The following IDI1 variants were observed in gnomAD, a reference collection of about 807,000 sequenced individuals.
The protein encoded by IDI1 is isopentenyl-diphosphate delta isomerase 1.
IDI1 carries 23 observed loss-of-function variants against 32.9 expected under a neutral mutation model. That is an observed-to-expected ratio of 0.70 (90% CI 0.50 to 0.99). The LOEUF (loss-of-function observed/expected upper bound fraction) is 0.99. Ranked by LOEUF, IDI1 falls within the 50% of genes least tolerant of loss-of-function variation. IDI1 has a pLI of 0.00. For missense variants in IDI1, 326 were observed against 351.9 expected (o/e 0.93, Z 0.59); for synonymous variants, 133 against 128.2 (o/e 1.04, Z -0.25).
intron 1 of IDI1, among the ~76,000 whole-genome samples, chr10:1,048,043 G>T (rs1211325550): frequency 6.6e-6 from 1 of 152,070 alleles, no homozygotes; most frequent in Non-Finnish European, 1.5e-5. Flanking sequence ...GATGGGGCTG[G>T]GTCTTGCTAT....
chr10:1,043,686 C>A (rs546814106), intron 2 of IDI1: 61 of 639,462 alleles, frequency 9.5e-5, no homozygotes, highest in South Asian at 8.9e-4. Flanking sequence ...TGCTTCCCTG[C>A]ATGGTGCCCG....
chr10:1,041,690 A>C (rs1832593651), intron 4 of IDI1, among the ~76,000 whole-genome samples, 186 bp from the exon 5 acceptor site: 1 of 151,642 alleles, frequency 6.6e-6, no homozygotes, highest in Non-Finnish European at 1.5e-5. Context: ...TGGAAAAATG[A>C]TTACATCATT....
intron 1 of IDI1, among the ~76,000 whole-genome samples, chr10:1,046,167 T>C (rs1345860587): frequency 6.6e-6 from 1 of 152,218 alleles, no homozygotes. Flanking sequence ...AATGGCATAA[T>C]ATTTGCAGAT....
At chr10:1,054,179 T>G in the IDI1 span, among the ~76,000 whole-genome samples, 1 of 152,320 alleles carries the variant, frequency 6.6e-6, no homozygotes, top group East Asian at 1.9e-4. Flanking sequence ...GTTAGAAAGA[T>G]GGTGCTGACA....
upstream of IDI1, among the ~76,000 whole-genome samples, chr10:1,050,636 T>G (rs1484709296): frequency 1.3e-5 from 2 of 152,240 alleles, no homozygotes; most frequent in Non-Finnish European, 2.9e-5. Flanking sequence ...TGAAGCCTGT[T>G]TCAGTAGCTC....
At position 1,044,158 on chromosome 10, in the gene IDI1, T is replaced by C. The variant is rs746839222; in HGVS notation, c.154A>G (p.Ile52Val). ...GRRLISVLEQ[I>V]RHFVMMPEIN... ...TCAGGCATCATTACAAAATGTCTGA[T>C]CTGTTCTAGAACACTAATATTAAAG... The change falls in exon 2 of 5, where the codon ATC (isoleucine) becomes GTC (valine). Residue 52 changes from isoleucine to valine, a missense_variant. Coordinates refer to ENST00000381344, the MANE Select transcript of IDI1 (RefSeq NM_004508.4). The C allele has an allele frequency of 6.2e-7, 1 of 1,613,192 alleles. No individual in the cohort carries two copies. Among genetic ancestry groups the C allele is most frequent in the South Asian group, 1.1e-5 (1 of 91,044 alleles).
At chr10:1,055,098 T>G in the IDI1 span, among the ~76,000 whole-genome samples, 3 of 152,358 alleles carry the variant, frequency 2.0e-5, no homozygotes, top group East Asian at 5.8e-4. Context: ...GTTTGCAGTA[T>G]TTTGTTCCTG....
rs1466221257 is a variant in IDI1, at chr10:1,042,696, G to T, written c.473C>A (p.Ala158Asp). ...SNPAELEESD[A>D]LGVRRAAQRR... ...CTGTGCTGCTCGCCTCACTCCAAGG[G>T]CGTCACTTTCCTCAAGCTCGGCTGG... The change falls in exon 4 of 5, where the codon GCC (alanine) becomes GAC (aspartate). Residue 158 changes from alanine (A) to aspartate (D), a missense_variant. Physicochemically the swap from Ala to Asp is moderately radical, Grantham distance 126 (BLOSUM62 -2). Transcript: ENST00000381344. 1.2e-6 allele frequency: 2 copies of T among 1,613,826 alleles called. No individual in the cohort carries two copies. Among genetic ancestry groups the T allele is most frequent in the Non-Finnish European group, 1.7e-6 (2 of 1,179,868 alleles).
At chr10:1,043,947 C>T (rs1029162069) in intron 2 of IDI1, 52 bp downstream of exon 2, 34 of 1,495,298 alleles carry the variant, frequency 2.3e-5, no homozygotes, top group Non-Finnish European at 2.9e-5. Context: ...CTCAGCAAAT[C>T]GGAAATGCCT....
At chr10:1,045,565 C>T in intron 1 of IDI1, among the ~76,000 whole-genome samples, 1 of 152,224 alleles carries the variant, frequency 6.6e-6, no homozygotes, top group East Asian at 1.9e-4. Context: ...CTCCTGGGTT[C>T]AAGTGATTCT....
At chr10:1,042,555 T>C in intron 4 of IDI1, 77 bp downstream of exon 4, 1 of 1,457,074 alleles carries the variant, frequency 6.9e-7, no homozygotes, top group Non-Finnish European at 9.6e-7. Context: ...TACATTTGAA[T>C]TTAAAAATTT....
At chr10:1,048,578 T>C in intron 1 of IDI1, 2 of 1,361,088 alleles carry the variant, frequency 1.5e-6, no homozygotes, top group Non-Finnish European at 1.9e-6. Flanking sequence ...AAACCTCAGG[T>C]GACTGTGCGC....
chr10:1,045,115 A>G (rs1317677209), intron 1 of IDI1, among the ~76,000 whole-genome samples: 1 of 152,258 alleles, frequency 6.6e-6, no homozygotes, highest in Non-Finnish European at 1.5e-5. Flanking sequence ...GATTTGGCCT[A>G]TAGGCCATAG....
chr10:1,054,024 A>T (rs1747633665), upstream of IDI1, among the ~76,000 whole-genome samples: 2 of 152,356 alleles, frequency 1.3e-5, no homozygotes, highest in South Asian at 4.1e-4. Context: ...TTGCTGTCTT[A>T]TATAGGGGTG....
intron 2 of IDI1, 36 bp from the exon 3 acceptor site, chr10:1,043,429 A>G (rs1445331252): frequency 1.5e-6 from 2 of 1,327,100 alleles, no homozygotes; most frequent in Admixed American, 1.7e-5. Flanking sequence ...TTTTAGCCTT[A>G]AGTACCAGTT....
At chr10:1,043,658 G>T (rs1413849037) in intron 2 of IDI1, 3 of 649,796 alleles carry the variant, frequency 4.6e-6, no homozygotes, top group Non-Finnish European at 8.5e-6. Flanking sequence ...TCAGTTCTCG[G>T]AAAGTGGTGA....
chr10:1,055,924 T>G, the IDI1 span, among the ~76,000 whole-genome samples: 1 of 152,138 alleles, frequency 6.6e-6, no homozygotes. Flanking sequence ...TTCTCCTGCC[T>G]CAGCCTTCCG....
chr10:1,045,668 T>G, intron 1 of IDI1, among the ~76,000 whole-genome samples: 1 of 152,038 alleles, frequency 6.6e-6, no homozygotes, highest in East Asian at 1.9e-4. Flanking sequence ...AGTCTTGCCA[T>G]GCTGGCCATG....
upstream of IDI1, among the ~76,000 whole-genome samples, chr10:1,051,434 G>A (rs1007939969): frequency 6.6e-6 from 1 of 152,166 alleles, no homozygotes; most frequent in Non-Finnish European, 1.5e-5. Context: ...GAAAATGTCT[G>A]CCAAATATCT....
Sources: gnomAD v4.1 joint callset for allele counts (sites outside exome capture counted in the v4.1 genomes callset) on GRCh38, gnomAD v4.1.1 for gene constraint, MANE v1.5 for transcripts, NCBI Gene and HGNC (gene_info 2026-07-23, HGNC 2026-07-21) for gene names.